The following PPP1R12B variants were observed in gnomAD, a reference collection of about 807,000 sequenced individuals.
The protein encoded by PPP1R12B is myosin phosphatase target subunit 2.
A neutral mutation model predicts 126.1 loss-of-function variants in PPP1R12B; 76 were observed. That is an observed-to-expected ratio of 0.60 (90% CI 0.50 to 0.73). PPP1R12B has a LOEUF of 0.73. PPP1R12B is among the 30% of genes least tolerant of loss of function. PPP1R12B has a pLI of 0.00. For synonymous variants in PPP1R12B, 356 were observed against 434.7 expected (o/e 0.82, Z 2.25); for missense variants, 1,052 against 1,205.1 (o/e 0.87, Z 1.88).
intron 1 of PPP1R12B, among the ~76,000 whole-genome samples, chr1:202,374,932 C>T (rs1660921575): frequency 6.6e-6 from 1 of 152,030 alleles, no homozygotes; most frequent in African/African-American, 2.4e-5. Context: ...CTTCTTTCTC[C>T]AACTATTTTC....
At chr1:202,356,740 G>A (rs1336951543) in intron 1 of PPP1R12B, among the ~76,000 whole-genome samples, 1 of 151,944 alleles carries the variant, frequency 6.6e-6, no homozygotes, top group Non-Finnish European at 1.5e-5. Flanking sequence ...CAAGGAAGTG[G>A]ATTCTTCTCT....
At chr1:202,371,043 T>C (rs556126730) in intron 1 of PPP1R12B, among the ~76,000 whole-genome samples, 1 of 147,028 alleles carries the variant, frequency 6.8e-6, no homozygotes, top group Admixed American at 6.8e-5. Context: ...TCTCTCTCTG[T>C]CTCACTCTGC....
intron 18 of PPP1R12B, among the ~76,000 whole-genome samples, chr1:202,520,752 G>T (rs564024508): frequency 3.9e-4 from 59 of 152,190 alleles, no homozygotes; most frequent in African/African-American, 1.3e-3. Context: ...GTGGCAGAGT[G>T]AATACTCCTG....
chr1:202,538,970 A>G (rs1381008379), intron 18 of PPP1R12B, among the ~76,000 whole-genome samples: 1 of 152,096 alleles, frequency 6.6e-6, no homozygotes, highest in African/African-American at 2.4e-5. Flanking sequence ...TAAGCTTTAT[A>G]CTTACAGATC....
chr1:202,447,054 T>C (rs1292934041), intron 12 of PPP1R12B, among the ~76,000 whole-genome samples: 1 of 152,196 alleles, frequency 6.6e-6, no homozygotes, highest in Non-Finnish European at 1.5e-5. Flanking sequence ...TGCATATGTC[T>C]CATTGGATAC....
chr1:202,512,594 TG>T (rs757370103), intron 18 of PPP1R12B, among the ~76,000 whole-genome samples: 25 of 152,240 alleles, frequency 1.6e-4, no homozygotes, highest in Non-Finnish European at 3.1e-4. Flanking sequence ...ATCCTTGTTT[TG>T]TAGGCTTGAT....
chr1:202,480,022 TACCAAGAAATAAGAGTTACCAAAAG>T (rs951562354), intron 13 of PPP1R12B, among the ~76,000 whole-genome samples: 2 of 152,112 alleles, frequency 1.3e-5, no homozygotes, highest in Non-Finnish European at 2.9e-5. Flanking sequence ...TTAGCATACA[TACCAAGAAATAAGAGTTACCAAAAG>T]ACCAAAAGAA....
chr1:202,453,889 A>G (rs949639927), intron 13 of PPP1R12B, among the ~76,000 whole-genome samples: 1 of 152,184 alleles, frequency 6.6e-6, no homozygotes, highest in African/African-American at 2.4e-5. Context: ...CTGTCTTTTC[A>G]AAATTGGTCT....
intron 22 of PPP1R12B, among the ~76,000 whole-genome samples, chr1:202,568,477 T>C (rs1688268888): frequency 1.3e-5 from 2 of 152,226 alleles, no homozygotes; most frequent in South Asian, 4.1e-4. Flanking sequence ...TTCCCATCTG[T>C]CCTGTTGTTG....
intron 1 of PPP1R12B, among the ~76,000 whole-genome samples, chr1:202,380,020 T>A (rs1661970626): frequency 6.6e-6 from 1 of 152,212 alleles, no homozygotes; most frequent in Non-Finnish European, 1.5e-5. Context: ...TTTCAACCTG[T>A]CTTACCAGTT....
Position 202,449,054 on chromosome 1 carries a change from C to T in PPP1R12B, c.1733C>T (p.Thr578Ile). Residue 578 changes from threonine to isoleucine, a missense_variant, in exon 13 of 24, where the codon ACC becomes ATC. Thr to Ile is a moderately conservative substitution (Grantham distance 89, BLOSUM62 -1). Transcript: ENST00000608999. ...EKTADNVSSS[T>I]PLCVITNRPL... ...ACAGCAGACAATGTCTCTTCTAGCA[C>T]CCCGCTCTGTGTGATCACCAATCGC... 6.2e-7 allele frequency: 1 copy of T among 1,613,896 alleles called. No homozygotes were observed. Among genetic ancestry groups the T allele is most frequent in the Non-Finnish European group, 8.5e-7 (1 of 1,179,850 alleles).
chr1:202,359,474 G>C (rs530007010), intron 1 of PPP1R12B, among the ~76,000 whole-genome samples: 3 of 151,350 alleles, frequency 2.0e-5, no homozygotes, highest in African/African-American at 2.4e-5. Flanking sequence ...TCTCTAGAAC[G>C]TAGAAATTTA....
intron 1 of PPP1R12B, among the ~76,000 whole-genome samples, chr1:202,387,939 T>C (rs1000341713): frequency 1.3e-5 from 2 of 152,160 alleles, no homozygotes; most frequent in African/African-American, 2.4e-5. Flanking sequence ...CACATAGTTA[T>C]GGGATAGACT....
At chr1:202,357,224 A>C (rs543907366) in intron 1 of PPP1R12B, among the ~76,000 whole-genome samples, 4 of 152,338 alleles carry the variant, frequency 2.6e-5, no homozygotes, top group Non-Finnish European at 4.4e-5. Context: ...TTGTTATAGC[A>C]GCAATAGGAA....
chr1:202,439,688 A>G, intron 10 of PPP1R12B: 1 of 632,058 alleles, frequency 1.6e-6, no homozygotes, highest in East Asian at 2.8e-5. Flanking sequence ...AGTTGGAGGC[A>G]GCAAGGACTG....
At chr1:202,573,607 AGAGTT>A (rs1439378888) in intron 23 of PPP1R12B, among the ~76,000 whole-genome samples, 3 of 152,158 alleles carry the variant, frequency 2.0e-5, no homozygotes, top group Non-Finnish European at 2.9e-5. Context: ...CTCCTCCCAA[AGAGTT>A]GATGGTCTCA....
chr1:202,546,327 A>C (rs1685648210), intron 18 of PPP1R12B, among the ~76,000 whole-genome samples: 1 of 152,198 alleles, frequency 6.6e-6, no homozygotes, highest in Admixed American at 6.5e-5. Context: ...GATAAGTATC[A>C]GGTGCAGGGG....
chr1:202,411,771 C>T (rs545165387), intron 1 of PPP1R12B, among the ~76,000 whole-genome samples: 2 of 152,286 alleles, frequency 1.3e-5, no homozygotes, highest in African/African-American at 2.4e-5. Context: ...AGATACCCCA[C>T]TCTAGGTTGT....
intron 18 of PPP1R12B, among the ~76,000 whole-genome samples, chr1:202,514,756 G>T (rs1572352813): frequency 6.6e-6 from 1 of 152,218 alleles, no homozygotes; most frequent in South Asian, 2.1e-4. Context: ...CCTTATTTCA[G>T]GGCTCTCTAT....
Sources: gnomAD v4.1 joint callset for allele counts (sites outside exome capture counted in the v4.1 genomes callset) on GRCh38, gnomAD v4.1.1 for gene constraint, MANE v1.5 for transcripts, NCBI Gene and HGNC (gene_info 2026-07-23, HGNC 2026-07-21) for gene names.